Variants in COTL1 observed in about 807,000 individuals in gnomAD.
COTL1 encodes the protein coactosin-like protein.
Under a neutral mutation model 16.5 loss-of-function variants are expected in COTL1, and 15 were observed. The observed-to-expected ratio is 0.91, with a 90% CI of 0.61 to 1.40. COTL1 has a LOEUF of 1.40. COTL1 is among the 40% of genes most tolerant of loss of function. COTL1 has a pLI of 0.00. For synonymous variants in COTL1, 112 were observed against 85.3 expected (o/e 1.31, Z -1.73); for missense variants, 220 against 201.5 (o/e 1.09, Z -0.56).
intron 2 of COTL1, among the ~76,000 whole-genome samples, chr16:84,599,652 G>A (rs754993898): frequency 2.6e-5 from 4 of 152,312 alleles, no homozygotes; most frequent in East Asian, 1.9e-4. Context: ...AAGAAAGGGG[G>A]AAGGGGAGGA....
chr16:84,609,972 C>A (rs1456181968), intron 2 of COTL1, among the ~76,000 whole-genome samples: 1 of 152,228 alleles, frequency 6.6e-6, no homozygotes, highest in Non-Finnish European at 1.5e-5. Flanking sequence ...CACACTATCC[C>A]TGAATTCCTA....
At chr16:84,570,590 G>T (rs964025293) in intron 3 of COTL1, among the ~76,000 whole-genome samples, 2 of 151,560 alleles carry the variant, frequency 1.3e-5, no homozygotes, top group African/African-American at 4.8e-5. Flanking sequence ...ATATACAAAA[G>T]CAACCATATG....
At chr16:84,582,937 A>G (rs898161347) in intron 3 of COTL1, among the ~76,000 whole-genome samples, 1 of 152,264 alleles carries the variant, frequency 6.6e-6, no homozygotes, top group Non-Finnish European at 1.5e-5. Context: ...AAGTAAGCAC[A>G]GAGCAAAAAA....
chr16:84,570,155 A>T (rs1904318300), intron 3 of COTL1, among the ~76,000 whole-genome samples: 1 of 152,232 alleles, frequency 6.6e-6, no homozygotes. Context: ...GCGAGCCTGT[A>T]ATCCCAGCTA....
chr16:84,604,042 T>C (rs1905158491), intron 2 of COTL1, among the ~76,000 whole-genome samples: 1 of 91,064 alleles, frequency 1.1e-5, no homozygotes, highest in Non-Finnish European at 2.2e-5. Context: ...GCAACTCCCC[T>C]CTCCCTCCCG....
At chr16:84,613,770 T>A (rs1905395444) in intron 2 of COTL1, among the ~76,000 whole-genome samples, 1 of 152,204 alleles carries the variant, frequency 6.6e-6, no homozygotes, top group Admixed American at 6.5e-5. Context: ...TGGCATGCCA[T>A]TCTTCCCTAG....
intron 3 of COTL1, chr16:84,575,782 G>A (rs971143717): frequency 1.3e-5 from 2 of 152,240 alleles, no homozygotes; most frequent in Admixed American, 1.3e-4. Flanking sequence ...GAGCCTCCCT[G>A]GGGACTCAAC....
At chr16:84,578,448 T>G (rs577564770) in intron 3 of COTL1, among the ~76,000 whole-genome samples, 1 of 152,346 alleles carries the variant, frequency 6.6e-6, no homozygotes, top group East Asian at 1.9e-4. Context: ...TTATTGAATT[T>G]TCACAATTCC....
rs917757266 is a variant in COTL1, at chr16:84,566,006, C to T, written c.*839G>A. 1.3e-5 allele frequency: 2 copies of T among 152,644 alleles called. No homozygotes were observed. The highest frequency in any genetic ancestry group is 2.4e-5 in the African/African-American group (1 of 41,466). The allele number at this position is 152,644 out of a possible 1,614,324, so 9.5% of individuals were successfully genotyped here. On this transcript the variant is annotated 3_prime_UTR_variant, in exon 4 of 4. Transcript: ENST00000262428. ...CCCCACCCTGGGCCTCTCTCCCTAA[C>T]GATCTTGTCGCTTTGGGAGCCCCTG...
chr16:84,605,875 T>A (rs1207503234), intron 2 of COTL1, among the ~76,000 whole-genome samples: 2 of 152,248 alleles, frequency 1.3e-5, no homozygotes, highest in African/African-American at 2.4e-5. Flanking sequence ...CATAGGAAAG[T>A]AACACAATGA....
intron 2 of COTL1, among the ~76,000 whole-genome samples, chr16:84,599,259 G>C (rs967671208): frequency 1.3e-5 from 2 of 152,210 alleles, no homozygotes; most frequent in African/African-American, 4.8e-5. Context: ...TATCGCCAAA[G>C]CCAGTCCTGG....
chr16:84,572,632 TGTA>T (rs2150680229), intron 3 of COTL1, among the ~76,000 whole-genome samples: 1 of 152,308 alleles, frequency 6.6e-6, no homozygotes, highest in Non-Finnish European at 1.5e-5. Context: ...AGCTGATTTT[TGTA>T]TTTTTCTGTA....
In COTL1 at chr16:84,598,968, T is replaced by A. The variant is rs140116601; in HGVS notation, c.161-8706A>T. 8.0e-3 allele frequency among the ~76,000 whole-genome samples: 1,191 copies of A among 149,444 alleles called. 17 individuals carry two copies. The highest frequency in any genetic ancestry group is 0.027 in the African/African-American group (1,117 of 40,652). On this transcript the variant is annotated intron_variant, in intron 2 of 3. Transcript: ENST00000262428. ...ACCACAAAGGGGCTAGGGAGGGGGG[T>A]AAAGGCAAGAATTACCTGTAATCAC... is the stretch of plus-strand genomic sequence containing the variant.
chr16:84,608,735 G>C (rs1303095487), intron 2 of COTL1, among the ~76,000 whole-genome samples: 1 of 152,136 alleles, frequency 6.6e-6, no homozygotes, highest in Non-Finnish European at 1.5e-5. Context: ...GTGAAACCCT[G>C]TCTCTACAAA....
In COTL1 at chr16:84,601,702, T is replaced by A. The variant is rs143089998; in HGVS notation, c.161-11440A>T. The stretch of plus-strand genomic sequence containing the variant: ...AACTCTTGACCTCGTGATCCCCCCA[T>A]CCTGGCCTCCCAAAGTGCTGGGACT... On this transcript the variant is annotated intron_variant, in intron 2 of 3. Transcript: ENST00000262428. Among the ~76,000 whole-genome samples the A allele has an allele frequency of 4.1e-4, 62 of 152,226 alleles. 2 individuals are homozygous for A. In the East Asian group the frequency reaches 0.012, roughly 29 times the overall value.
chr16:84,601,090 C>A (rs776399355), intron 2 of COTL1, among the ~76,000 whole-genome samples: 1 of 152,132 alleles, frequency 6.6e-6, no homozygotes, highest in African/African-American at 2.4e-5. Context: ...GGAGACGCTG[C>A]GCCACTGAGG....
At chr16:84,592,235 A>G (rs1329071729) in intron 2 of COTL1, among the ~76,000 whole-genome samples, 1 of 152,208 alleles carries the variant, frequency 6.6e-6, no homozygotes, top group Non-Finnish European at 1.5e-5. Context: ...AGGGGATCAC[A>G]TATCCTTATT....
intron 3 of COTL1, 122 bp downstream of exon 3, chr16:84,589,983 C>T: frequency 2.1e-6 from 2 of 937,828 alleles, no homozygotes; most frequent in East Asian, 2.6e-5. Flanking sequence ...AGAGACATAG[C>T]ATGGCTTGTC....
chr16:84,617,060 A>T (rs1343786560), intron 2 of COTL1, among the ~76,000 whole-genome samples: 1 of 152,184 alleles, frequency 6.6e-6, no homozygotes, highest in East Asian at 1.9e-4. Flanking sequence ...AAATCAGCAC[A>T]CGGGCAGACA....
Sources: allele counts gnomAD v4.1 joint callset (sites outside exome capture counted in the v4.1 genomes callset), GRCh38; gene constraint gnomAD v4.1.1; transcripts MANE v1.5; gene names NCBI Gene and HGNC (gene_info 2026-07-23, HGNC 2026-07-21).